The following FRMD4A variants were observed in gnomAD, a reference collection of about 807,000 sequenced individuals.
FRMD4A encodes FERM domain containing 4A.
A neutral mutation model predicts 129.1 loss-of-function variants in FRMD4A; 29 were observed. That is an observed-to-expected ratio of 0.22 (90% CI 0.17 to 0.31). FRMD4A has a LOEUF of 0.31. FRMD4A is among the 10% of genes least tolerant of loss of function. The pLI, the probability that FRMD4A is intolerant of heterozygous loss-of-function variation, is 1.00. For synonymous variants in FRMD4A, 634 were observed against 571.6 expected, an observed-to-expected ratio of 1.11 and a Z score of -1.56; for missense variants, 1,272 against 1,375.8, an observed-to-expected ratio of 0.92 and a Z score of 1.19.
At chr10:14,323,441 G>T (rs1365107707) in intron 2 of FRMD4A, among the ~76,000 whole-genome samples, 2 of 152,098 alleles carry the variant, frequency 1.3e-5, no homozygotes, top group Admixed American at 6.5e-5. Flanking sequence ...TTAGGCAATT[G>T]TGCTTCTCCA....
At chr10:13,707,566 C>T (rs1443389183) in intron 12 of FRMD4A, 1 of 991,960 alleles carries the variant, frequency 1.0e-6, no homozygotes, top group Admixed American at 5.6e-5. Flanking sequence ...GAGTGCTGAA[C>T]TGAGCTTCCT....
At chr10:13,649,882 C>CTAAG (rs1452690513) in intron 24 of FRMD4A, among the ~76,000 whole-genome samples, 8 of 152,182 alleles carry the variant, frequency 5.3e-5, no homozygotes, top group Non-Finnish European at 1.2e-4. Flanking sequence ...ACCTAAAAAC[C>CTAAG]TAAGTCAGTC....
At chr10:13,933,025 G>T (rs1181865191) in intron 2 of FRMD4A, among the ~76,000 whole-genome samples, 1 of 152,096 alleles carries the variant, frequency 6.6e-6, no homozygotes, top group Admixed American at 6.5e-5. Context: ...GTCAGGCGTG[G>T]TGGCAGTCAT....
intron 15 of FRMD4A, among the ~76,000 whole-genome samples, chr10:13,686,879 A>G (rs2085133715): frequency 1.3e-5 from 2 of 152,246 alleles, no homozygotes; most frequent in South Asian, 2.1e-4. Context: ...GGTTAATACA[A>G]CAAGCCACAC....
intron 12 of FRMD4A, among the ~76,000 whole-genome samples, chr10:13,733,414 T>C (rs984531681): frequency 2.6e-5 from 4 of 152,012 alleles, no homozygotes; most frequent in Admixed American, 2.0e-4. Context: ...AGGTTTTGCT[T>C]TCCCTCAAGG....
chr10:14,126,804 G>A (rs13377084), intron 2 of FRMD4A, among the ~76,000 whole-genome samples: 34,918 of 151,920 alleles, frequency 0.23, 4,086 homozygotes, highest in Admixed American at 0.26. Flanking sequence ...ATACTTCTTG[G>A]GGAGAAGAAA....
chr10:13,738,059 G>T, intron 11 of FRMD4A, 129 bp from the exon 12 acceptor site: 1 of 646,606 alleles, frequency 1.5e-6, no homozygotes, highest in Non-Finnish European at 2.8e-6. Flanking sequence ...GAGCCCACCT[G>T]TCTACTTTGT....
At chr10:13,992,248 AG>A (rs1323830761) in intron 2 of FRMD4A, among the ~76,000 whole-genome samples, 6 of 152,340 alleles carry the variant, frequency 3.9e-5, no homozygotes, top group South Asian at 2.1e-4. Context: ...CAGTGGTTCA[AG>A]GGGTTTCTAC....
At chr10:13,680,896 T>C (rs2084518976) in intron 15 of FRMD4A, among the ~76,000 whole-genome samples, 2 of 152,074 alleles carry the variant, frequency 1.3e-5, no homozygotes, top group South Asian at 4.2e-4. Flanking sequence ...AAAAATTAAA[T>C]GATCTAAATC....
intron 2 of FRMD4A, among the ~76,000 whole-genome samples, chr10:13,932,510 C>G (rs973272956): frequency 6.6e-6 from 1 of 152,086 alleles, no homozygotes; most frequent in Non-Finnish European, 1.5e-5. Flanking sequence ...CTTGCTCCTC[C>G]TAGGAGTCTC....
chr10:13,665,565 A>T (rs2082960380), intron 18 of FRMD4A, among the ~76,000 whole-genome samples: 1 of 152,162 alleles, frequency 6.6e-6, no homozygotes, highest in South Asian at 2.1e-4. Flanking sequence ...CAAATTCCTA[A>T]CCCATGACTG....
intron 2 of FRMD4A, among the ~76,000 whole-genome samples, chr10:14,024,390 A>G (rs1200783179): frequency 6.6e-6 from 1 of 152,208 alleles, no homozygotes; most frequent in African/African-American, 2.4e-5. Context: ...GTGTCAGCTC[A>G]AAGTCTTCCA....
chr10:14,049,573 G>A (rs543808791), intron 2 of FRMD4A, among the ~76,000 whole-genome samples: 79 of 152,316 alleles, frequency 5.2e-4, no homozygotes, highest in African/African-American at 1.5e-3. Flanking sequence ...TTCCTCAGAG[G>A]CAGTTGGATT....
At chr10:13,724,416 G>T (rs2089724916) in intron 12 of FRMD4A, among the ~76,000 whole-genome samples, 1 of 151,838 alleles carries the variant, frequency 6.6e-6, no homozygotes. Context: ...TGTCTATTCA[G>T]TCCCAGGTGG....
At chr10:13,845,251 T>C (rs975870197) in intron 3 of FRMD4A, among the ~76,000 whole-genome samples, 1 of 152,222 alleles carries the variant, frequency 6.6e-6, no homozygotes, top group Non-Finnish European at 1.5e-5. Context: ...CCTGTCATCC[T>C]ATGACCTTGA....
In FRMD4A at chr10:14,301,329, T is replaced by C. The variant is rs113197940; in HGVS notation, c.45+28729A>G. 4.9e-3 allele frequency among the ~76,000 whole-genome samples: 744 copies of C among 152,316 alleles called. 5 individuals carry two copies. The highest frequency in any genetic ancestry group is 0.017 in the African/African-American group (727 of 41,560). On this transcript the variant is annotated intron_variant, in intron 2 of 24. Transcript: ENST00000357447. ...TTCTGTGATTCCTTCTACAAACTAATGAACCTGAAGGTGGTTTTGAGAACC... is the reference window on the plus strand; with the variant it reads ...TTCTGTGATTCCTTCTACAAACTAACGAACCTGAAGGTGGTTTTGAGAACC...
intron 2 of FRMD4A, among the ~76,000 whole-genome samples, chr10:14,172,163 A>T (rs1841509973): frequency 6.6e-6 from 1 of 152,208 alleles, no homozygotes; most frequent in Admixed American, 6.5e-5. Flanking sequence ...CATTAGAAAT[A>T]AAAAGACTAA....
At chr10:13,748,898 G>A (rs1340471163) in intron 8 of FRMD4A, among the ~76,000 whole-genome samples, 2 of 152,122 alleles carry the variant, frequency 1.3e-5, no homozygotes, top group African/African-American at 4.8e-5. Flanking sequence ...GTACCATTAG[G>A]CAGTTTTATG....
At chr10:14,184,727 T>A (rs1304186897) in intron 2 of FRMD4A, among the ~76,000 whole-genome samples, 1 of 152,174 alleles carries the variant, frequency 6.6e-6, no homozygotes, top group African/African-American at 2.4e-5. Context: ...TCTTTCAAAG[T>A]AGCCCAAATG....
Sources: gnomAD v4.1 joint callset for allele counts (sites outside exome capture counted in the v4.1 genomes callset) on GRCh38, gnomAD v4.1.1 for gene constraint, MANE v1.5 for transcripts, NCBI Gene and HGNC (gene_info 2026-07-23, HGNC 2026-07-21) for gene names.